The following SGO2 variants were observed in gnomAD, a reference collection of about 807,000 sequenced individuals.
The protein encoded by SGO2 is shugoshin-like 2.
Under a neutral mutation model 99.5 loss-of-function variants are expected in SGO2, and 68 were observed. The ratio of observed to expected loss-of-function variants is 0.68; its 90% CI spans 0.56 to 0.84. SGO2 has a LOEUF of 0.84. SGO2 is among the 40% of genes least tolerant of loss of function. The pLI, the probability that SGO2 is intolerant of heterozygous loss-of-function variation, is 0.00. For missense variants in SGO2, 1,350 were observed against 1,436.7 expected (o/e 0.94, Z 0.97); for synonymous variants, 457 against 487.1 (o/e 0.94, Z 0.81).
At chr2:200,532,490 A>G in intron 1 of SGO2, 1 of 945,488 alleles carries the variant, frequency 1.1e-6, no homozygotes, top group Non-Finnish European at 1.3e-6. Flanking sequence ...TAATACTATA[A>G]TGTAATGATT....
Position 200,538,270 on chromosome 2 carries a change from A to G in SGO2, c.387+2128A>G, listed in dbSNP as rs373917117. Reference sequence around the variant, plus strand: ...ACTCTCCTCTTTCTTCCACTCCTTAACCTTTTCAGTGCAGTTCTCTTCCCA... The same window carrying G: ...ACTCTCCTCTTTCTTCCACTCCTTAGCCTTTTCAGTGCAGTTCTCTTCCCA... On this transcript the variant is annotated intron_variant, in intron 4 of 8. Transcript: ENST00000357799. 1.5e-3 allele frequency among the ~76,000 whole-genome samples: 232 copies of G among 152,006 alleles called. 1 individual carries two copies. The highest frequency in any genetic ancestry group is 5.3e-3 in the African/African-American group (218 of 41,456).
chr2:200,550,037 G>A (rs1265506181), intron 5 of SGO2, among the ~76,000 whole-genome samples: 2 of 152,204 alleles, frequency 1.3e-5, no homozygotes, highest in Non-Finnish European at 2.9e-5. Flanking sequence ...AACATAATTA[G>A]TAGCATTTAT....
chr2:200,535,243 T>C, intron 3 of SGO2, 72 bp downstream of exon 3: 2 of 1,312,078 alleles, frequency 1.5e-6, no homozygotes, highest in South Asian at 1.8e-5. Flanking sequence ...ATAGAAGCTT[T>C]AAAAATATTT....
intron 5 of SGO2, among the ~76,000 whole-genome samples, chr2:200,565,448 C>T (rs2033149543): frequency 6.6e-6 from 1 of 152,216 alleles, no homozygotes; most frequent in Non-Finnish European, 1.5e-5. Flanking sequence ...GTCTAATGGG[C>T]TTCCCTTTGT....
intron 8 of SGO2, among the ~76,000 whole-genome samples, chr2:200,580,175 T>G (rs770261251): frequency 7.2e-5 from 11 of 152,162 alleles, no homozygotes; most frequent in Non-Finnish European, 1.5e-4. Context: ...CACAGGAAAT[T>G]ATCCATTTCA....
intron 1 of SGO2, chr2:200,532,395 G>T: frequency 1.0e-6 from 1 of 982,658 alleles, no homozygotes; most frequent in South Asian, 4.7e-5. Flanking sequence ...CTGCTTCTCA[G>T]TGAAGCTATT....
At chr2:200,547,727 A>G (rs2032288619) in intron 5 of SGO2, among the ~76,000 whole-genome samples, 1 of 152,154 alleles carries the variant, frequency 6.6e-6, no homozygotes, top group African/African-American at 2.4e-5. Flanking sequence ...TGGATAAATA[A>G]ATGAGACCTA....
In SGO2 at chr2:200,569,850, G is replaced by T; in HGVS notation, c.661G>T (p.Asp221Tyr). 6.2e-7 allele frequency: 1 copy of T among 1,600,246 alleles called. No individual in the cohort carries two copies. The highest frequency in any genetic ancestry group is 8.6e-7 in the Non-Finnish European group (1 of 1,167,782). ...TAATCAAAATGTATATGGTTTAGATGATTCAGAACATATTTCTTCTATAGT... is the reference window on the plus strand; with the variant it reads ...TAATCAAAATGTATATGGTTTAGATTATTCAGAACATATTTCTTCTATAGT... Reference protein sequence around the residue: ...ENNQNVYGLDDSEHISSIVDV... With the variant: ...ENNQNVYGLDYSEHISSIVDV... The change falls in exon 6 of 9, where the codon GAT (aspartate) becomes TAT (tyrosine). Residue 221 changes from aspartate (D) to tyrosine (Y), a missense_variant. Coordinates refer to ENST00000357799, the MANE Select transcript of SGO2 (RefSeq NM_152524.6).
chr2:200,580,987 T>C (rs2033824976), intron 8 of SGO2, among the ~76,000 whole-genome samples: 1 of 152,194 alleles, frequency 6.6e-6, no homozygotes, highest in Non-Finnish European at 1.5e-5. Context: ...TTAGGAGTTA[T>C]TAGGAGGTTT....
chr2:200,529,864 G>A (rs2031289208), intron 1 of SGO2, among the ~76,000 whole-genome samples: 2 of 152,214 alleles, frequency 1.3e-5, no homozygotes, highest in African/African-American at 4.8e-5. Context: ...CTGAGAGGGT[G>A]ACATTTGAAG....
rs1159545223 is a variant in SGO2 at position 200,573,953 on chromosome 2, C to T, written c.3607C>T (p.Arg1203Trp). The change falls in exon 7 of 9, where the codon CGG becomes TGG. Residue 1203 changes from arginine to tryptophan, a missense_variant. By Grantham distance (101) the Arg-to-Trp change is moderately radical (BLOSUM62 -3). Transcript: ENST00000357799. ...GAACAAGATGAAATTTAAAGTCAAC[C>T]GGAGAACCCAAAAATCAGGAATAGG... ...KMNKMKFKVN[R>W]RTQKSGIGDR... is the part of the protein sequence containing the mutation. 7 of 1,589,210 alleles carry T rather than the reference C, an allele frequency of 4.4e-6. No homozygotes were observed. The highest frequency in any genetic ancestry group is 1.7e-4 in the Middle Eastern group (1 of 5,958).
intron 4 of SGO2, among the ~76,000 whole-genome samples, chr2:200,539,744 C>G (rs1029522644): frequency 6.6e-6 from 1 of 152,016 alleles, no homozygotes; most frequent in African/African-American, 2.4e-5. Context: ...AGGTTGATGT[C>G]TCTATCAAGT....
intron 8 of SGO2, chr2:200,580,539 C>T (rs1574891975): frequency 2.3e-6 from 1 of 427,124 alleles, no homozygotes. Flanking sequence ...ATATAGATAA[C>T]AGTGTTTTAT....
intron 5 of SGO2, among the ~76,000 whole-genome samples, chr2:200,547,968 G>T (rs1368488455): frequency 2.0e-5 from 3 of 151,344 alleles, no homozygotes; most frequent in Admixed American, 6.6e-5. Flanking sequence ...AAATATCTAT[G>T]CACTCAACAC....
chr2:200,533,097 C>A lies in SGO2; in HGVS notation c.122C>A (p.Thr41Lys). 1 of 1,578,844 alleles carries A rather than the reference C, an allele frequency of 6.3e-7. No homozygotes were observed. The highest frequency in any genetic ancestry group is 8.6e-7 in the Non-Finnish European group (1 of 1,168,724). Reference protein sequence around the residue: ...LNVSLASKIKTKILNNSSIFK... With the variant: ...LNVSLASKIKKKILNNSSIFK... ...GTTTCTCTTGCTTCAAAAATAAAAA[C>A]AAAAATACTAAGTAAGTGCCATCAG... Residue 41 changes from threonine to lysine, a missense_variant, in exon 2 of 9, where the codon ACA (threonine) becomes AAA (lysine). Thr to Lys is a moderately conservative substitution (Grantham distance 78, BLOSUM62 -1). Coordinates refer to ENST00000357799, the MANE Select transcript of SGO2 (RefSeq NM_152524.6).
At position 200,571,708 on chromosome 2, in the gene SGO2, T is replaced by C. The variant is rs774576974; in HGVS notation, c.1362T>C (p.Asn454=). Reference sequence around the variant, plus strand: ...AAGATCCCGGTTTTATTTTCAATAATGAACAGCTGGCTCAGATGAATGAAC... The same window carrying C: ...AAGATCCCGGTTTTATTTTCAATAACGAACAGCTGGCTCAGATGAATGAAC... ...GAEDPGFIFN[N]EQLAQMNEQL... is the part of the protein sequence containing the mutation. The change falls in exon 7 of 9, where the codon AAT becomes AAC. Residue 454 remains asparagine, a synonymous_variant. Transcript: ENST00000357799. 1.9e-6 allele frequency: 3 copies of C among 1,613,402 alleles called. No homozygotes were observed. The highest frequency in any genetic ancestry group is 2.5e-6 in the Non-Finnish European group (3 of 1,179,706).
intron 5 of SGO2, among the ~76,000 whole-genome samples, chr2:200,556,695 T>C (rs1264396692): frequency 1.3e-5 from 2 of 152,222 alleles, no homozygotes; most frequent in Admixed American, 1.3e-4. Context: ...AGCTACAGCA[T>C]TGGGCAGTTT....
intron 8 of SGO2, among the ~76,000 whole-genome samples, chr2:200,578,786 A>G (rs2033747503): frequency 6.6e-6 from 1 of 152,158 alleles, no homozygotes; most frequent in South Asian, 2.1e-4. Flanking sequence ...GATCTATAGT[A>G]TGTTTTAATG....
At chr2:200,528,603 C>A (rs842930) in intron 1 of SGO2, among the ~76,000 whole-genome samples, 120,538 of 152,074 alleles carry the variant, frequency 0.79, 47,997 homozygotes, top group Non-Finnish European at 0.83. Flanking sequence ...GTTGGAGATG[C>A]GTAGTAGGCA....
Sources: allele counts gnomAD v4.1 joint callset (sites outside exome capture counted in the v4.1 genomes callset), GRCh38; gene constraint gnomAD v4.1.1; transcripts MANE v1.5; gene names NCBI Gene and HGNC (gene_info 2026-07-23, HGNC 2026-07-21).